MPRIP: variants seen among roughly 807,000 people sequenced by gnomAD.
MPRIP encodes myosin phosphatase Rho-interacting protein.
In MPRIP, 59 loss-of-function variants were observed where a neutral mutation model predicts 234.9. That is an observed-to-expected ratio of 0.25 (90% CI 0.20 to 0.31). MPRIP has a LOEUF of 0.31. Ranked by LOEUF, MPRIP falls within the 10% of genes least tolerant of loss-of-function variation. MPRIP has a pLI of 1.00. For missense variants in MPRIP, 2,436 were observed against 3,071.0 expected, an observed-to-expected ratio of 0.79 and a Z score of 4.89; for synonymous variants, 1,144 against 1,263.9, an observed-to-expected ratio of 0.91 and a Z score of 2.01.
intron 13 of MPRIP, among the ~76,000 whole-genome samples, chr17:17,155,554 T>G (rs545547699): frequency 5.3e-4 from 81 of 152,344 alleles, no homozygotes; most frequent in African/African-American, 1.8e-3. Flanking sequence ...TAAAGGCACA[T>G]TCTGTATCCA....
intron 11 of MPRIP, 121 bp downstream of exon 11, chr17:17,147,508 G>A (rs1021822733): frequency 8.5e-5 from 81 of 949,708 alleles, no homozygotes; most frequent in Non-Finnish European, 1.2e-4. Flanking sequence ...AGCGCCCTTC[G>A]GTGGTGTTAC....
intron 1 of MPRIP, among the ~76,000 whole-genome samples, chr17:17,051,327 C>T (rs1051942966): frequency 6.6e-6 from 1 of 152,110 alleles, no homozygotes; most frequent in African/African-American, 2.4e-5. Flanking sequence ...CATCCTACTA[C>T]TGGACATGGA....
rs537876985 is a variant in MPRIP at position 17,191,430 on chromosome 17, G to T, written c.*6536G>T. 2.0e-5 allele frequency: 3 copies of T among 152,344 alleles called. No individual in the cohort carries two copies. The South Asian group carries it at 6.2e-4, about 32-fold the overall frequency. The allele number at this position is 152,344 out of a possible 1,614,324, so 9.4% of individuals were successfully genotyped here. A position where few individuals can be genotyped will look rare whatever the true frequency, so the allele number is the denominator to read the frequency against. ...CCCTTTGGTCATATCCTGGAATTCC[G>T]TGGAGGCTGCAGAACTTAGATGCAG... On this transcript the variant is annotated 3_prime_UTR_variant, in exon 24 of 24. Coordinates refer to ENST00000651222, the MANE Select transcript of MPRIP (RefSeq NM_001364716.4).
rs148371552 is a variant in MPRIP, at chr17:17,099,552, C to T, written c.267+21476C>T. The stretch of plus-strand genomic sequence containing the variant: ...ACCAGCCTGGGCAACATAGCAAGAC[C>T]GCTGTCTCTACAAAAATTTTGAAAA... On this transcript the variant is annotated intron_variant, in intron 3 of 23. Coordinates refer to ENST00000651222, the MANE Select transcript of MPRIP (RefSeq NM_001364716.4). Among the ~76,000 whole-genome samples, 772 of 152,208 alleles carry T rather than the reference C, an allele frequency of 5.1e-3. 7 individuals carry two copies. The highest frequency in any genetic ancestry group is 0.017 in the African/African-American group (709 of 41,532).
chr17:17,150,069 C>A, intron 11 of MPRIP, 75 bp from the exon 12 acceptor site: 4 of 1,070,234 alleles, frequency 3.7e-6, no homozygotes, highest in East Asian at 2.4e-5. Flanking sequence ...CAGAAAATCA[C>A]TTACGGAAAT....
At position 17,173,323 on chromosome 17, in the gene MPRIP, C is replaced by T. The variant is rs561528185; in HGVS notation, c.6590+508C>T. Among the ~76,000 whole-genome samples the T allele has an allele frequency of 4.6e-5, 7 of 152,370 alleles. No individual in the cohort carries two copies. In the South Asian group the frequency reaches 6.2e-4, roughly 14 times the overall value. ...CACAGATTGGCCACCATGAGCCTCA[C>T]GGCACTCAGGCTCTACCAGGAGCCT... On this transcript the variant is annotated intron_variant, in intron 18 of 23. Coordinates refer to ENST00000651222, the MANE Select transcript of MPRIP (RefSeq NM_001364716.4).
chr17:17,109,076 C>T (rs1461962215), intron 3 of MPRIP, among the ~76,000 whole-genome samples: 1 of 152,248 alleles, frequency 6.6e-6, no homozygotes, highest in Non-Finnish European at 1.5e-5. Context: ...GTGTCCTCTC[C>T]TTACCCTCGC....
chr17:17,100,004 A>G (rs8078661), intron 3 of MPRIP, among the ~76,000 whole-genome samples: 3,729 of 152,316 alleles, frequency 0.024, 137 homozygotes, highest in African/African-American at 0.076. Context: ...GCAAGGGGAC[A>G]CTTATCCTTG....
intron 3 of MPRIP, among the ~76,000 whole-genome samples, chr17:17,093,868 A>G (rs980110413): frequency 5.9e-5 from 9 of 152,202 alleles, no homozygotes; most frequent in African/African-American, 1.9e-4. Flanking sequence ...TTTATACACC[A>G]CAGATAGGAT....
At chr17:17,158,097 G>A (rs2045770971) in intron 13 of MPRIP, among the ~76,000 whole-genome samples, 1 of 152,132 alleles carries the variant, frequency 6.6e-6, no homozygotes, top group Admixed American at 6.5e-5. Flanking sequence ...CTGGCAACGG[G>A]ACCACCACAG....
Position 17,186,913 on chromosome 17 carries a change from A to T in MPRIP, c.*2019A>T, listed in dbSNP as rs559192158. 2.0e-5 allele frequency: 3 copies of T among 152,362 alleles called. No homozygotes were observed. The East Asian group carries it at 5.8e-4, about 29-fold the overall frequency. 9.4% of individuals were successfully genotyped at this position (152,362 alleles called of 1,614,324 possible). On this transcript the variant is annotated 3_prime_UTR_variant, in exon 24 of 24. Coordinates refer to ENST00000651222, the MANE Select transcript of MPRIP (RefSeq NM_001364716.4). ...TGCTCCAGGACAGACAGGGACCTGGAGTGCATCAGGATCTGACCAGATAGG... is the reference window on the plus strand; with the variant it reads ...TGCTCCAGGACAGACAGGGACCTGGTGTGCATCAGGATCTGACCAGATAGG...
chr17:17,052,313 A>G (rs1156343411), intron 1 of MPRIP, among the ~76,000 whole-genome samples: 1 of 152,200 alleles, frequency 6.6e-6, no homozygotes, highest in Admixed American at 6.5e-5. Flanking sequence ...GATGGGTAGT[A>G]GGGAGATTGG....
At chr17:17,179,928 C>A in intron 22 of MPRIP, 75 bp from the exon 23 acceptor site, 1 of 1,215,614 alleles carries the variant, frequency 8.2e-7, no homozygotes, top group African/African-American at 1.5e-5. Context: ...GGAAATGTTT[C>A]AGGATTTAGT....
At chr17:17,069,188 TTGTCTC>T (rs1337958445) in intron 1 of MPRIP, among the ~76,000 whole-genome samples, 2 of 152,218 alleles carry the variant, frequency 1.3e-5, no homozygotes, top group East Asian at 1.9e-4. Flanking sequence ...ATATTCCTCT[TTGTCTC>T]TGGTCATTTT....
At chr17:17,114,425 T>G (rs1461819464) in intron 3 of MPRIP, among the ~76,000 whole-genome samples, 8 of 56,346 alleles carry the variant, frequency 1.4e-4, no homozygotes, top group Non-Finnish European at 2.2e-4. Context: ...GAAGTCTAGT[T>G]TATCTTTTTT....
chr17:17,142,564 G>T, intron 7 of MPRIP, 63 bp from the exon 8 acceptor site: 1 of 1,580,970 alleles, frequency 6.3e-7, no homozygotes, highest in Non-Finnish European at 8.6e-7. Context: ...GGGAGGAGTC[G>T]GCTCACTGCC....
chr17:17,075,853 C>T (rs1259514779), intron 2 of MPRIP, 66 bp downstream of exon 2: 2 of 1,481,238 alleles, frequency 1.4e-6, no homozygotes, highest in Non-Finnish European at 1.9e-6. Context: ...GGTGAACTGG[C>T]AGAGTGGAAG....
At chr17:17,066,569 C>T (rs567881276) in intron 1 of MPRIP, among the ~76,000 whole-genome samples, 4 of 151,788 alleles carry the variant, frequency 2.6e-5, no homozygotes. Flanking sequence ...CTATAGCAGT[C>T]CCCCTTTATT....
intron 12 of MPRIP, among the ~76,000 whole-genome samples, chr17:17,153,819 T>G (rs1433623040): frequency 6.6e-6 from 1 of 152,112 alleles, no homozygotes; most frequent in Non-Finnish European, 1.5e-5. Context: ...ATACCCCTTG[T>G]TCTTAACCAC....
Sources: allele counts gnomAD v4.1 joint callset (sites outside exome capture counted in the v4.1 genomes callset), GRCh38; gene constraint gnomAD v4.1.1; transcripts MANE v1.5; gene names NCBI Gene and HGNC (gene_info 2026-07-23, HGNC 2026-07-21).